RGS6: variants seen among roughly 807,000 people sequenced by gnomAD.
RGS6 encodes the protein regulator of G-protein signaling 6.
RGS6 carries 30 observed loss-of-function variants against 78.5 expected under a neutral mutation model. That is an observed-to-expected ratio of 0.38 (90% confidence interval 0.29 to 0.52). The LOEUF is 0.52. RGS6 is among the 20% of genes least tolerant of loss of function. RGS6 has a pLI of 0.85. For synonymous variants in RGS6, 206 were observed against 206.0 expected, an observed-to-expected ratio of 1.00 and a Z score of 0.00; for missense variants, 495 against 609.7, an observed-to-expected ratio of 0.81 and a Z score of 1.98.
chr14:72,245,147 C>T (rs960512327), intron 2 of RGS6, among the ~76,000 whole-genome samples: 1 of 152,220 alleles, frequency 6.6e-6, no homozygotes, highest in African/African-American at 2.4e-5. Flanking sequence ...GCTGGGGCCC[C>T]TATAACAAAA....
chr14:71,954,061 T>C (rs1463317769), intron 1 of RGS6, among the ~76,000 whole-genome samples: 1 of 150,286 alleles, frequency 6.7e-6, no homozygotes, highest in Non-Finnish European at 1.5e-5. Context: ...CTCATTCTTC[T>C]ATAGGTAAGG....
chr14:72,554,987 G>A (rs1045579510), intron 17 of RGS6, among the ~76,000 whole-genome samples: 9 of 152,188 alleles, frequency 5.9e-5, no homozygotes, highest in African/African-American at 2.2e-4. Context: ...CAGCAAAACT[G>A]ACAGGCAGAA....
At chr14:72,388,530 T>C (rs909459849) in intron 3 of RGS6, among the ~76,000 whole-genome samples, 1 of 152,186 alleles carries the variant, frequency 6.6e-6, no homozygotes, top group Non-Finnish European at 1.5e-5. Flanking sequence ...GCATCTCAGT[T>C]GGTGGGGCTG....
At chr14:72,541,688 T>C in intron 17 of RGS6, 1 of 1,487,574 alleles carries the variant, frequency 6.7e-7, no homozygotes, top group South Asian at 1.3e-5. Flanking sequence ...TGGAGGATGG[T>C]TAGGGATTTT....
intron 2 of RGS6, among the ~76,000 whole-genome samples, chr14:72,182,096 C>A (rs907553516): frequency 1.3e-5 from 2 of 151,878 alleles, no homozygotes; most frequent in African/African-American, 4.8e-5. Flanking sequence ...GGTTTTTTTT[C>A]TCATTCTTTT....
intron 2 of RGS6, among the ~76,000 whole-genome samples, chr14:72,194,563 T>C (rs2039548746): frequency 6.6e-6 from 1 of 152,130 alleles, no homozygotes; most frequent in African/African-American, 2.4e-5. Flanking sequence ...GGTCTCACTA[T>C]GTTGCCCAGG....
At chr14:72,372,882 T>G (rs6574071) in intron 3 of RGS6, among the ~76,000 whole-genome samples, 86,146 of 152,092 alleles carry the variant, frequency 0.57, 26,056 homozygotes, top group African/African-American at 0.79. Flanking sequence ...TGCCAGAGTT[T>G]GTGGATGTAT....
At chr14:72,302,588 A>G (rs1414956116) in intron 2 of RGS6, among the ~76,000 whole-genome samples, 1 of 152,202 alleles carries the variant, frequency 6.6e-6, no homozygotes, top group Non-Finnish European at 1.5e-5. Context: ...AAATTTCAGA[A>G]CCTGCATCAT....
intron 15 of RGS6, among the ~76,000 whole-genome samples, chr14:72,525,276 A>AT (rs2097103607): frequency 6.6e-6 from 1 of 152,150 alleles, no homozygotes; most frequent in African/African-American, 2.4e-5. Flanking sequence ...AATTCCTACA[A>AT]TGTGCCGATT....
At chr14:72,340,418 A>C (rs186045866) in intron 2 of RGS6, among the ~76,000 whole-genome samples, 4 of 152,184 alleles carry the variant, frequency 2.6e-5, no homozygotes, top group Non-Finnish European at 4.4e-5. Context: ...GGAAGCCCCA[A>C]ATGCGTAGAA....
chr14:72,469,220 T>C (rs909339304), intron 7 of RGS6, among the ~76,000 whole-genome samples: 1 of 151,992 alleles, frequency 6.6e-6, no homozygotes, highest in South Asian at 2.1e-4. Context: ...TTTTTTTTTT[T>C]TTTGAAACAG....
chr14:72,033,703 A>G (rs1268931218), intron 2 of RGS6, among the ~76,000 whole-genome samples: 1 of 152,220 alleles, frequency 6.6e-6, no homozygotes, highest in Non-Finnish European at 1.5e-5. Flanking sequence ...ACACCATCGT[A>G]AAGTTGAAAA....
rs201085145 is a variant in RGS6 at position 71,939,859 on chromosome 14, C to CA, written c.-21+6919dup. Among the ~76,000 whole-genome samples the CA allele has an allele frequency of 4.5e-3, 682 of 152,324 alleles. 8 individuals are homozygous for CA. The highest frequency in any genetic ancestry group is 0.016 in the African/African-American group (649 of 41,562). On this transcript the variant is annotated intron_variant, in intron 1 of 17. Transcript: ENST00000553525. Reference sequence around the variant, plus strand: ...CACTAATCTCCTCAGTCCCTCCAGGCACATGATACTGTTTTTGATTTGCTA... The same window carrying CA: ...CACTAATCTCCTCAGTCCCTCCAGGCAACATGATACTGTTTTTGATTTGCTA...
At chr14:72,480,627 C>T (rs1016274490) in intron 12 of RGS6, among the ~76,000 whole-genome samples, 3 of 152,036 alleles carry the variant, frequency 2.0e-5, no homozygotes, top group South Asian at 4.2e-4. Context: ...AAAGGAGACG[C>T]GTGTTAGCTG....
chr14:72,352,802 G>C (rs957502775), intron 3 of RGS6, among the ~76,000 whole-genome samples: 1 of 152,108 alleles, frequency 6.6e-6, no homozygotes, highest in Non-Finnish European at 1.5e-5. Context: ...GGTACCTACT[G>C]TATTGCATCC....
intron 3 of RGS6, among the ~76,000 whole-genome samples, chr14:72,415,949 A>T (rs917639688): frequency 6.6e-6 from 1 of 152,116 alleles, no homozygotes; most frequent in African/African-American, 2.4e-5. Context: ...GGAGTTCAAG[A>T]CCAGCCTGAC....
At chr14:72,487,579 C>T (rs1326097026) in intron 12 of RGS6, among the ~76,000 whole-genome samples, 2 of 152,142 alleles carry the variant, frequency 1.3e-5, no homozygotes, top group African/African-American at 2.4e-5. Context: ...GCAGAAGAGT[C>T]GGTGTCAGAG....
At chr14:72,575,370 G>A in the RGS6 span, among the ~76,000 whole-genome samples, 3 of 152,084 alleles carry the variant, frequency 2.0e-5, no homozygotes, top group Non-Finnish European at 4.4e-5. Flanking sequence ...CTTGAAGCTG[G>A]GGACAGGTGC....
At chr14:72,119,456 A>AT (rs1258863891) in intron 2 of RGS6, among the ~76,000 whole-genome samples, 1 of 152,234 alleles carries the variant, frequency 6.6e-6, no homozygotes, top group Non-Finnish European at 1.5e-5. Context: ...ATGACCATGC[A>AT]TTTGAAAGGT....
Sources: allele counts gnomAD v4.1 joint callset (sites outside exome capture counted in the v4.1 genomes callset), GRCh38; gene constraint gnomAD v4.1.1; transcripts MANE v1.5; gene names NCBI Gene and HGNC (gene_info 2026-07-23, HGNC 2026-07-21).